DOP1B: variants seen among roughly 807,000 people sequenced by gnomAD.
DOP1B encodes protein DOP1B.
A neutral mutation model predicts 233.5 loss-of-function variants in DOP1B; 174 were observed. That is an observed-to-expected ratio of 0.75 (90% confidence interval 0.66 to 0.85). The LOEUF (loss-of-function observed/expected upper bound fraction) is 0.85. Among genes scored for constraint, DOP1B ranks in the 40% least tolerant of loss-of-function variants. The pLI, the probability that DOP1B is intolerant of heterozygous loss-of-function variation, is 0.00. For missense variants in DOP1B, 2,652 were observed against 2,846.6 expected (o/e 0.93, Z 1.56); for synonymous variants, 1,190 against 1,185.6 (o/e 1.00, Z -0.08).
chr21:36,203,650 G>GGC (rs888689957), intron 4 of DOP1B, among the ~76,000 whole-genome samples: 1 of 151,992 alleles, frequency 6.6e-6, no homozygotes, highest in African/African-American at 2.4e-5. Context: ...GCAGTGGGGG[G>GGC]GGTCATGATG....
intron 1 of DOP1B, among the ~76,000 whole-genome samples, chr21:36,157,656 A>AT (rs1204319039): frequency 6.6e-6 from 1 of 152,168 alleles, no homozygotes; most frequent in Non-Finnish European, 1.5e-5. Context: ...GGTGGCTTAA[A>AT]TTTTTTCCAG....
rs377415890 is a variant in DOP1B at position 36,230,977 on chromosome 21, T to C, written c.2193T>C (p.Asp731=). The part of the protein sequence containing the change: ...SPARKNGGEW[D]VEKVVIDLGG... ...CCAGGAAAAACGGGGGAGAATGGGA[T>C]GTTGAGAAGGTGGTCATTGACCTGG... The change falls in exon 14 of 37, where the codon GAT becomes GAC. Residue 731 remains aspartate (D), a synonymous_variant. Transcript: ENST00000691173. 6.2e-7 allele frequency: 1 copy of C among 1,614,064 alleles called. No homozygotes were observed. Among genetic ancestry groups the C allele is most frequent in the African/African-American group, 1.3e-5 (1 of 75,000 alleles).
chr21:36,229,571 C>A (rs2066734192), intron 13 of DOP1B, among the ~76,000 whole-genome samples: 1 of 151,742 alleles, frequency 6.6e-6, no homozygotes, highest in Non-Finnish European at 1.5e-5. Context: ...ATTAAGGTCA[C>A]ATTCACAGGT....
At position 36,209,991 on chromosome 21, in the gene DOP1B, G is replaced by A. The variant is rs77087339; in HGVS notation, c.681+1087G>A. Among the ~76,000 whole-genome samples the A allele has an allele frequency of 3.2e-3, 488 of 152,134 alleles. 3 individuals carry two copies. The highest frequency in any genetic ancestry group is 0.011 in the African/African-American group (466 of 41,496). ...CAAGGTGGAAAAATGGATGAAAAGCGCCTCGCACAATGATCAGGACACAGG... is the reference window on the plus strand; with the variant it reads ...CAAGGTGGAAAAATGGATGAAAAGCACCTCGCACAATGATCAGGACACAGG... On this transcript the variant is annotated intron_variant, in intron 5 of 36. Coordinates refer to ENST00000691173, the MANE Select transcript of DOP1B (RefSeq NM_001320714.2).
intron 3 of DOP1B, 25 bp from the exon 4 acceptor site, chr21:36,200,306 C>T (rs748609811): frequency 5.8e-5 from 90 of 1,553,850 alleles, no homozygotes; most frequent in Middle Eastern, 1.7e-4. Flanking sequence ...ATTTCTGCCC[C>T]GCTCCCTCTC....
rs1167178722 is a variant in DOP1B, at chr21:36,204,685, C to T, written c.492-4030C>T. 5.8e-5 allele frequency among the ~76,000 whole-genome samples: 5 copies of T among 86,604 alleles called. No homozygotes were observed. In the Admixed American group the frequency reaches 5.8e-4, roughly 10 times the overall value. 56.8% of individuals were successfully genotyped at this position (86,604 alleles called of 152,430 possible). ...TTTTTTTTTTTTTTTGAGACAGTCT[C>T]GCTCTGTCGCCCAGGCTGGAGTGCA... On this transcript the variant is annotated intron_variant, in intron 4 of 36. Transcript: ENST00000691173.
At chr21:36,194,013 A>G (rs1601400540) in intron 2 of DOP1B, among the ~76,000 whole-genome samples, 1 of 152,334 alleles carries the variant, frequency 6.6e-6, no homozygotes, top group East Asian at 1.9e-4. Context: ...ATTTTTACAG[A>G]TGAAACTTCA....
chr21:36,223,001 G>T (rs142752963), intron 10 of DOP1B, among the ~76,000 whole-genome samples: 42 of 152,208 alleles, frequency 2.8e-4, no homozygotes, highest in African/African-American at 1.0e-3. Context: ...GTGAGCCACC[G>T]CACCCAGCTC....
chr21:36,187,207 T>G (rs62229325), intron 2 of DOP1B, among the ~76,000 whole-genome samples: 1 of 139,950 alleles, frequency 7.1e-6, no homozygotes, highest in Non-Finnish European at 1.5e-5. Context: ...CTCCCCTCCC[T>G]TCCCCTCCTC....
At position 36,200,497 on chromosome 21, in the gene DOP1B, G is replaced by T; in HGVS notation, c.487G>T (p.Asp163Tyr). The T allele has an allele frequency of 6.2e-7, 1 of 1,605,342 alleles. No homozygotes were observed. ...PGLEEGSEIS[D>Y]RTDALLLRLS... The stretch of plus-strand genomic sequence containing the variant: ...CCTTGAAGAGGGCTCCGAGATCTCC[G>T]ACAGGTGCGTGGGCGTCTTGTCCAG... The change falls in exon 4 of 37, where the codon GAC (aspartate) becomes TAC (tyrosine). Residue 163 changes from aspartate to tyrosine, a missense_variant. Asp to Tyr is a radical substitution (Grantham distance 160). Coordinates refer to ENST00000691173, the MANE Select transcript of DOP1B (RefSeq NM_001320714.2).
rs768673267 is a variant in DOP1B at position 36,270,774 on chromosome 21, C to T, written c.5632+617C>T. On this transcript the variant is annotated intron_variant, in intron 27 of 36. Transcript: ENST00000691173. ...ACTAAAAATACAAAAATTAGCCGCG[C>T]GTGGTAGTGGGCGCCTGTAATCCCA... 2.5e-3 allele frequency among the ~76,000 whole-genome samples: 372 copies of T among 150,324 alleles called. 3 individuals carry two copies. Among genetic ancestry groups the T allele is most frequent in the Non-Finnish European group, 2.8e-3 (193 of 67,740 alleles).
rs2066836821 is a variant in DOP1B at position 36,237,132 on chromosome 21, T to A, written c.2623-130T>A. The A allele has an allele frequency of 2.4e-5, 31 of 1,268,074 alleles. No homozygotes were observed. The South Asian group carries it at 4.0e-4, about 16-fold the overall frequency. 78.6% of individuals were successfully genotyped at this position (1,268,074 alleles called of 1,614,324 possible). On this transcript the variant is annotated intron_variant, in intron 15 of 36. Transcript: ENST00000691173. ...TTTGTTGGTGATTTGTCTCTGAGCA[T>A]GGAGGATTCTCACATGGCAAGTATA...
At chr21:36,181,829 T>TGGCA (rs1255833053) in intron 2 of DOP1B, among the ~76,000 whole-genome samples, 6 of 83,174 alleles carry the variant, frequency 7.2e-5, no homozygotes, top group Admixed American at 3.5e-4. Context: ...TGCACTCACC[T>TGGCA]TCCATTTAAT....
At chr21:36,242,151 C>CATTATTGTTATTATT (rs60892353) in intron 18 of DOP1B, among the ~76,000 whole-genome samples, 9,737 of 143,908 alleles carry the variant, frequency 0.068, 530 homozygotes, top group East Asian at 0.19. Context: ...GTTCCTTGGG[C>CATTATTGTTATTATT]ATTATTATTA....
Position 36,245,724 on chromosome 21 carries a change from G to C in DOP1B, c.3744G>C (p.Glu1248Asp), listed in dbSNP as rs1444875748. The C allele has an allele frequency of 6.2e-7, 1 of 1,613,710 alleles. No individual in the cohort carries two copies. Among genetic ancestry groups the C allele is most frequent in the Non-Finnish European group, 8.5e-7 (1 of 1,180,014 alleles). Residue 1248 changes from glutamate to aspartate, a missense_variant, in exon 19 of 37, where the codon GAG becomes GAC. Glu to Asp is a conservative substitution (Grantham distance 45). Coordinates refer to ENST00000691173, the MANE Select transcript of DOP1B (RefSeq NM_001320714.2). This position sits in a 1 kb window ranked among gnomAD's most constrained non-coding sequence, Gnocchi z 5.5. ...TCCTCTATGCCTTCTCGGTGCTGGA[G>C]GCTGTGCTCAAAACCAACCCTAAGG... is the stretch of plus-strand genomic sequence containing the variant. ...RRVLYAFSVL[E>D]AVLKTNPKEF... is the part of the protein sequence containing the mutation.
chr21:36,176,818 C>T (rs2066037373), intron 2 of DOP1B, among the ~76,000 whole-genome samples: 1 of 151,886 alleles, frequency 6.6e-6, no homozygotes, highest in South Asian at 2.1e-4. Context: ...TCCCTCCCCT[C>T]CCCTTTCTTT....
At chr21:36,170,001 G>T in intron 2 of DOP1B, 15 of 753,984 alleles carry the variant, frequency 2.0e-5, no homozygotes, top group Non-Finnish European at 3.7e-5. Flanking sequence ...TTGGCCTGTC[G>T]ACTTCCCGTG....
intron 32 of DOP1B, 25 bp downstream of exon 32, chr21:36,281,636 T>C (rs1245656025): frequency 2.6e-6 from 4 of 1,537,142 alleles, no homozygotes; most frequent in Non-Finnish European, 3.5e-6. Context: ...TTAGTCTGTT[T>C]TTTGCTGCTA....
intron 27 of DOP1B, among the ~76,000 whole-genome samples, chr21:36,272,025 T>C (rs1313640066): frequency 6.6e-6 from 1 of 151,806 alleles, no homozygotes; most frequent in African/African-American, 2.4e-5. Context: ...GGAAGGACAG[T>C]ATGCCCAGTG....
Sources: gnomAD v4.1 joint callset for allele counts (sites outside exome capture counted in the v4.1 genomes callset) on GRCh38, gnomAD v4.1.1 for gene constraint, Gnocchi (gnomAD v3.1) non-coding constraint, MANE v1.5 for transcripts, NCBI Gene and HGNC (gene_info 2026-07-23, HGNC 2026-07-21) for gene names.